The following ATM variants were observed in gnomAD, a reference collection of about 807,000 sequenced individuals.
ATM encodes the protein ATM serine/threonine kinase, also known as serine-protein kinase ATM.
In ATM, 308 loss-of-function variants were observed where a neutral mutation model predicts 387.0. That is an observed-to-expected ratio of 0.80 (90% CI 0.73 to 0.87). ATM has a LOEUF of 0.87. Among genes scored for constraint, ATM ranks in the 40% least tolerant of loss-of-function variants. ATM has a pLI of 0.00. For synonymous variants in ATM, 1,156 were observed against 1,187.3 expected, an observed-to-expected ratio of 0.97 and a Z score of 0.54; for missense variants, 3,312 against 3,560.9, an observed-to-expected ratio of 0.93 and a Z score of 1.78.
In ATM at chr11:108,365,928, C is replaced by T; in HGVS notation, c.*420C>T. Reference sequence around the variant, plus strand: ...CCTGTAATCCCAGCTACTCGAGAGGCTGAGGCAGGAGAATCTCTTGAACCT... The same window carrying T: ...CCTGTAATCCCAGCTACTCGAGAGGTTGAGGCAGGAGAATCTCTTGAACCT... On this transcript the variant is annotated 3_prime_UTR_variant, in exon 63 of 63. Coordinates refer to ENST00000675843, the MANE Select transcript of ATM (RefSeq NM_000051.4). 1 of 183,502 alleles carries T rather than the reference C, an allele frequency of 5.4e-6. No individual in the cohort carries two copies. Among genetic ancestry groups the T allele is most frequent in the Non-Finnish European group, 1.2e-5 (1 of 86,740 alleles). The allele number at this position is 183,502 out of a possible 1,614,324, so 11.4% of individuals were successfully genotyped here. A position where few individuals can be genotyped will look rare whatever the true frequency, so the allele number is the denominator to read the frequency against.
chr11:108,256,076 T>A, intron 13 of ATM, 139 bp from the exon 14 acceptor site: 1 of 664,950 alleles, frequency 1.5e-6, no homozygotes, highest in Non-Finnish European at 2.2e-6. Flanking sequence ...TTTTTAGAGC[T>A]ATCCAGGATA....
At position 108,253,809 on chromosome 11, in the gene ATM, T is replaced by A; in HGVS notation, c.1899-5T>A. On this transcript the variant is annotated splice_polypyrimidine_tract_variant and splice_region_variant and intron_variant, in intron 12 of 62. Transcript: ENST00000675843. ...TTATATATTAAAGATCTTACTTTCT[T>A]GAAGTGAACACCACCAAAAAGATAA... The A allele has an allele frequency of 6.2e-7, 1 of 1,610,032 alleles. No individual in the cohort carries two copies. The highest frequency in any genetic ancestry group is 8.5e-7 in the Non-Finnish European group (1 of 1,177,142).
intron 50 of ATM, chr11:108,331,230 C>T (rs995478425): frequency 7.2e-6 from 9 of 1,255,610 alleles, no homozygotes; most frequent in Non-Finnish European, 9.0e-6. Context: ...AATTTAGGAC[C>T]AAATATTTTG....
At chr11:108,271,651 T>C (rs2081590525) in intron 20 of ATM, among the ~76,000 whole-genome samples, 1 of 152,246 alleles carries the variant, frequency 6.6e-6, no homozygotes, top group African/African-American at 2.4e-5. Context: ...CTTAATAATT[T>C]GACATGTATA....
At chr11:108,266,601 A>G (rs2081258503) in intron 16 of ATM, among the ~76,000 whole-genome samples, 1 of 151,984 alleles carries the variant, frequency 6.6e-6, no homozygotes, top group Admixed American at 6.6e-5. Context: ...TAACCTGCAC[A>G]ATGTGCACAT....
chr11:108,227,536 C>A (rs2135000810), intron 1 of ATM, 59 bp from the exon 2 acceptor site: 2 of 1,065,688 alleles, frequency 1.9e-6, no homozygotes, highest in Non-Finnish European at 1.4e-6. Context: ...ACACCTCTTT[C>A]TCTCTATATA....
chr11:108,321,730 G>T (rs1162385437), intron 45 of ATM, among the ~76,000 whole-genome samples: 1 of 151,674 alleles, frequency 6.6e-6, no homozygotes, highest in Non-Finnish European at 1.5e-5. Context: ...AGAGGTTGTG[G>T]TGAGCCGAGA....
chr11:108,330,096 C>CT, intron 49 of ATM, 118 bp from the exon 50 acceptor site: 2 of 1,114,966 alleles, frequency 1.8e-6, no homozygotes, highest in Non-Finnish European at 2.6e-6. Flanking sequence ...TAGAAGTTTG[C>CT]TTTTTTCCCT....
chr11:108,314,830 G>A (rs957092956), intron 40 of ATM, among the ~76,000 whole-genome samples: 1 of 152,052 alleles, frequency 6.6e-6, no homozygotes, highest in Non-Finnish European at 1.5e-5. Flanking sequence ...AAAATGATAA[G>A]GAAGAGAAAA....
rs1373810646 is a variant in ATM, at chr11:108,365,660, C to T, written c.*152C>T. The T allele has an allele frequency of 3.2e-6, 3 of 935,296 alleles. No homozygotes were observed. The East Asian group carries it at 7.9e-5, about 25-fold the overall frequency. The allele number at this position is 935,296 out of a possible 1,614,324, so 57.9% of individuals were successfully genotyped here. On this transcript the variant is annotated 3_prime_UTR_variant, in exon 63 of 63. Transcript: ENST00000675843. ...TGTTGGTTTTAATACTTGATTTAAT[C>T]ACCACTCAAAAATGTTTTGATGGTC...
At chr11:108,287,442 G>C in intron 26 of ATM, 158 bp from the exon 27 acceptor site, 1 of 524,710 alleles carries the variant, frequency 1.9e-6, no homozygotes, top group Non-Finnish European at 3.3e-6. Flanking sequence ...GAAAAAGGTA[G>C]AGTTATTTAT....
In ATM at chr11:108,258,865, A is replaced by G. The variant is rs937011411; in HGVS notation, c.2377-121A>G. On this transcript the variant is annotated intron_variant, in intron 15 of 62. Coordinates refer to ENST00000675843, the MANE Select transcript of ATM (RefSeq NM_000051.4). ...AAGATGTGTTTTTGAAGCAGCATATATATTGGCCCTAATAGTAAACTATTT... is the reference window on the plus strand; with the variant it reads ...AAGATGTGTTTTTGAAGCAGCATATGTATTGGCCCTAATAGTAAACTATTT... 14 of 739,452 alleles carry G rather than the reference A, an allele frequency of 1.9e-5. No homozygotes were observed. The South Asian group carries it at 2.1e-4, about 11-fold the overall frequency. The allele number at this position is 739,452 out of a possible 1,614,324, so 45.8% of individuals were successfully genotyped here. A position where few individuals can be genotyped will look rare whatever the true frequency, so the allele number is the denominator to read the frequency against.
chr11:108,245,611 C>T (rs570763986), intron 7 of ATM, among the ~76,000 whole-genome samples: 3 of 151,992 alleles, frequency 2.0e-5, no homozygotes, highest in African/African-American at 7.2e-5. Context: ...TGTCCTATAC[C>T]AAGAGAGTAT....
At chr11:108,284,593 A>G in intron 26 of ATM, 120 bp downstream of exon 26, 1 of 1,381,636 alleles carries the variant, frequency 7.2e-7, no homozygotes, top group Non-Finnish European at 1.0e-6. Flanking sequence ...GCTTGTGGTA[A>G]TCATTATCTA....
intron 43 of ATM, 96 bp downstream of exon 43, chr11:108,317,617 A>T (rs1385585779): frequency 3.0e-3 from 75 of 25,328 alleles, no homozygotes; most frequent in South Asian, 0.019. Flanking sequence ...GAGTTGTTTT[A>T]TATATATATA....
intron 16 of ATM, among the ~76,000 whole-genome samples, chr11:108,265,214 A>G (rs1461833372): frequency 1.1e-4 from 17 of 151,886 alleles, no homozygotes; most frequent in Admixed American, 3.9e-4. Context: ...GAGGCATCAC[A>G]CTACCTGACT....
intron 59 of ATM, among the ~76,000 whole-genome samples, chr11:108,347,655 C>T (rs1243366430): frequency 6.6e-6 from 1 of 152,056 alleles, no homozygotes. Context: ...GGAATCAGGG[C>T]TATTCCACCA....
intron 22 of ATM, among the ~76,000 whole-genome samples, chr11:108,276,117 A>G (rs2081934319): frequency 6.6e-6 from 1 of 151,990 alleles, no homozygotes; most frequent in Non-Finnish European, 1.5e-5. Flanking sequence ...TTGATCTTCA[A>G]TCTCTGATAT....
chr11:108,338,889 C>T (rs1233663516), intron 56 of ATM, among the ~76,000 whole-genome samples: 1 of 152,072 alleles, frequency 6.6e-6, no homozygotes, highest in Non-Finnish European at 1.5e-5. Flanking sequence ...TAGACTACAG[C>T]GAAGTAGTCT....
Sources: gnomAD v4.1 joint callset for allele counts (sites outside exome capture counted in the v4.1 genomes callset) on GRCh38, gnomAD v4.1.1 for gene constraint, MANE v1.5 for transcripts, NCBI Gene and HGNC (gene_info 2026-07-23, HGNC 2026-07-21) for gene names.